Variants in IGF2BP3 observed in about 807,000 individuals in gnomAD.
IGF2BP3 encodes the protein insulin-like growth factor 2 mRNA-binding protein 3.
A neutral mutation model predicts 73.8 loss-of-function variants in IGF2BP3; 9 were observed. That is an observed-to-expected ratio of 0.12 (90% CI 0.07 to 0.21). The LOEUF (loss-of-function observed/expected upper bound fraction) is 0.21, where lower values mean the gene tolerates loss of function less well. IGF2BP3 is among the 10% of genes least tolerant of loss of function. The probability of loss-of-function intolerance (pLI) is 1.00; values close to 1 mark genes in which losing one functional copy is unlikely to be tolerated. For missense variants in IGF2BP3, 542 were observed against 714.0 expected (o/e 0.76, Z 2.75); for synonymous variants, 258 against 256.7 (o/e 1.01, Z -0.05).
chr7:23,370,958 C>G (rs1371189571), intron 3 of IGF2BP3, among the ~76,000 whole-genome samples: 1 of 152,006 alleles, frequency 6.6e-6, no homozygotes, highest in Non-Finnish European at 1.5e-5. Flanking sequence ...GGATTACAGG[C>G]GTGAGTCACT....
intron 3 of IGF2BP3, among the ~76,000 whole-genome samples, chr7:23,377,979 A>C (rs752489328): frequency 2.6e-5 from 4 of 152,174 alleles, no homozygotes; most frequent in Non-Finnish European, 5.9e-5. Flanking sequence ...GTGACTGTTA[A>C]TGGCTATAGG....
chr7:23,350,848 G>C (rs274054), intron 6 of IGF2BP3, among the ~76,000 whole-genome samples: 81,334 of 152,156 alleles, frequency 0.53, 25,189 homozygotes, highest in African/African-American at 0.87. Context: ...GGCTTAATCA[G>C]AGGAAAAATT....
intron 2 of IGF2BP3, among the ~76,000 whole-genome samples, chr7:23,441,255 G>C (rs539795017): frequency 1.3e-5 from 2 of 152,082 alleles, no homozygotes; most frequent in East Asian, 3.9e-4. Flanking sequence ...AATATAGTGA[G>C]ATCACATCTC....
chr7:23,385,154 T>C (rs1364681795), intron 3 of IGF2BP3, among the ~76,000 whole-genome samples: 1 of 152,168 alleles, frequency 6.6e-6, no homozygotes, highest in Non-Finnish European at 1.5e-5. Flanking sequence ...GAAAATGACC[T>C]TTTTGCCTCC....
intron 7 of IGF2BP3, among the ~76,000 whole-genome samples, chr7:23,347,054 C>T (rs1354120140): frequency 3.9e-5 from 6 of 152,200 alleles, no homozygotes; most frequent in African/African-American, 9.7e-5. Context: ...GCCTTACTCT[C>T]GATTCTACTT....
chr7:23,328,280 C>G (rs1784356418), intron 10 of IGF2BP3, among the ~76,000 whole-genome samples: 1 of 152,124 alleles, frequency 6.6e-6, no homozygotes, highest in African/African-American at 2.4e-5. Context: ...ACAATCTTGG[C>G]TCACTGCAAC....
intron 5 of IGF2BP3, among the ~76,000 whole-genome samples, chr7:23,357,117 C>T (rs937432756): frequency 6.6e-6 from 1 of 152,094 alleles, no homozygotes; most frequent in African/African-American, 2.4e-5. Context: ...TTTCTTTTTC[C>T]AAAATAAATC....
In IGF2BP3 at chr7:23,470,040, T is replaced by A. The variant is rs758475141; in HGVS notation, c.71A>T (p.Asp24Val). The change falls in exon 1 of 15, where the codon GAC becomes GTC. Residue 24 changes from aspartate to valine, a missense_variant. Asp to Val is a radical substitution (Grantham distance 152). Coordinates refer to ENST00000258729, the MANE Select transcript of IGF2BP3 (RefSeq NM_006547.3). ...GGGTCCCGACACCGGGATCTTGGCGTCCTTGAAGATACTTTCTAGGTCCGA... is the reference window on the plus strand; with the variant it reads ...GGGTCCCGACACCGGGATCTTGGCGACCTTGAAGATACTTTCTAGGTCCGA... ...APSDLESIFK[D>V]AKIPVSGPFL... 1.2e-5 allele frequency: 19 copies of A among 1,612,042 alleles called. No homozygotes were observed. The highest frequency in any genetic ancestry group is 1.6e-5 in the Non-Finnish European group (19 of 1,179,568).
intron 2 of IGF2BP3, among the ~76,000 whole-genome samples, chr7:23,423,850 T>G (rs1787421224): frequency 1.3e-5 from 2 of 152,274 alleles, no homozygotes; most frequent in Admixed American, 1.3e-4. Context: ...CCAGGCACAG[T>G]GGCTTAAGCC....
At chr7:23,380,486 C>T (rs1305771796) in intron 3 of IGF2BP3, among the ~76,000 whole-genome samples, 1 of 152,036 alleles carries the variant, frequency 6.6e-6, no homozygotes, top group African/African-American at 2.4e-5. Context: ...GCTTCTTGGC[C>T]GATGAGTGGC....
At chr7:23,419,592 C>T (rs189061114) in intron 2 of IGF2BP3, among the ~76,000 whole-genome samples, 21 of 152,330 alleles carry the variant, frequency 1.4e-4, no homozygotes, top group Non-Finnish European at 3.1e-4. Context: ...TGGCTCAGGC[C>T]TATAATCCCA....
intron 2 of IGF2BP3, among the ~76,000 whole-genome samples, chr7:23,465,987 T>C (rs1388276815): frequency 3.3e-5 from 5 of 151,730 alleles, no homozygotes; most frequent in Non-Finnish European, 5.9e-5. Flanking sequence ...TCAGTTAAAA[T>C]AACTGTAATA....
intron 2 of IGF2BP3, among the ~76,000 whole-genome samples, chr7:23,432,426 AT>A (rs1787706758): frequency 6.6e-6 from 1 of 152,186 alleles, no homozygotes; most frequent in Admixed American, 6.5e-5. Flanking sequence ...AAGACAATTG[AT>A]ACAGGCACAC....
chr7:23,393,359 G>A (rs550175441), intron 3 of IGF2BP3, among the ~76,000 whole-genome samples: 3 of 152,168 alleles, frequency 2.0e-5, no homozygotes, highest in South Asian at 2.1e-4. Flanking sequence ...AATCGTAACC[G>A]ATGATCATCT....
rs553021428 is a variant in IGF2BP3, at chr7:23,431,529, C to A, written c.237-12705G>T. ...AAAATCCCTATGAAAGATGGCATTGCATCTAGTGGATTAACAGAGGGTCAC... is the reference window on the plus strand; with the variant it reads ...AAAATCCCTATGAAAGATGGCATTGAATCTAGTGGATTAACAGAGGGTCAC... On this transcript the variant is annotated intron_variant, in intron 2 of 14. Coordinates refer to ENST00000258729, the MANE Select transcript of IGF2BP3 (RefSeq NM_006547.3). 2.7e-4 allele frequency among the ~76,000 whole-genome samples: 41 copies of A among 151,970 alleles called. 1 individual carries two copies. The highest frequency in any genetic ancestry group is 8.2e-4 in the African/African-American group (34 of 41,436).
Position 23,412,743 on chromosome 7 carries a change from T to C in IGF2BP3, c.285+6033A>G, listed in dbSNP as rs908262880. Among the ~76,000 whole-genome samples, 4 of 152,110 alleles carry C rather than the reference T, an allele frequency of 2.6e-5. No individual in the cohort carries two copies. In the East Asian group the frequency reaches 7.7e-4, roughly 29 times the overall value. On this transcript the variant is annotated intron_variant, in intron 3 of 14. Transcript: ENST00000258729. ...AGGTACCCCCAGCTTTGGGCATTTT[T>C]TGAGTACTTATTAGGAGTTTTGATT...
intron 4 of IGF2BP3, 32 bp downstream of exon 4, chr7:23,361,658 A>G: frequency 6.2e-7 from 1 of 1,613,578 alleles, no homozygotes; most frequent in East Asian, 2.2e-5. Context: ...CCTTCCTTTT[A>G]CAAATTTGAA....
chr7:23,437,115 T>C (rs1203679437), intron 2 of IGF2BP3, among the ~76,000 whole-genome samples: 2 of 150,790 alleles, frequency 1.3e-5, no homozygotes, highest in African/African-American at 2.4e-5. Flanking sequence ...TCAGACCCTG[T>C]CTCAAAAAAA....
In IGF2BP3 at chr7:23,470,374, C is replaced by G; in HGVS notation, c.-264G>C. 3.9e-6 allele frequency: 1 copy of G among 258,446 alleles called. No individual in the cohort carries two copies. The highest frequency in any genetic ancestry group is 7.2e-6 in the Non-Finnish European group (1 of 137,940). 16.0% of individuals were successfully genotyped at this position (258,446 alleles called of 1,614,324 possible). A position where few individuals can be genotyped will look rare whatever the true frequency, so the allele number is the denominator to read the frequency against. ...AACGCATCCACCAGTCTTCCTAAGT[C>G]TTAGGAGGAGGCGGGATTAGCAAGA... is the stretch of plus-strand genomic sequence containing the variant. On this transcript the variant is annotated 5_prime_UTR_variant, in exon 1 of 15. Transcript: ENST00000258729.
Sources: allele counts gnomAD v4.1 joint callset (sites outside exome capture counted in the v4.1 genomes callset), GRCh38; gene constraint gnomAD v4.1.1; transcripts MANE v1.5; gene names NCBI Gene and HGNC (gene_info 2026-07-23, HGNC 2026-07-21).